Variants in GRM8 observed in about 807,000 individuals in gnomAD.
GRM8 encodes glutamate metabotropic receptor 8, also known as metabotropic glutamate receptor 8.
A neutral mutation model predicts 87.2 loss-of-function variants in GRM8; 47 were observed. That is an observed-to-expected ratio of 0.54 (90% CI 0.43 to 0.69). The LOEUF is 0.69. Ranked by LOEUF, GRM8 falls within the 30% of genes least tolerant of loss-of-function variation. The pLI, the probability that GRM8 is intolerant of heterozygous loss-of-function variation, is 0.00. For missense variants in GRM8, 1,019 were observed against 1,139.2 expected, an observed-to-expected ratio of 0.89 and a Z score of 1.52; for synonymous variants, 396 against 404.5, an observed-to-expected ratio of 0.98 and a Z score of 0.25.
intron 2 of GRM8, among the ~76,000 whole-genome samples, chr7:127,195,104 C>A (rs562994586): frequency 3.5e-4 from 54 of 152,284 alleles, no homozygotes; most frequent in African/African-American, 1.2e-3. Flanking sequence ...ATGGGTGCTT[C>A]AACTTTCATT....
chr7:127,004,591 T>G (rs983209784), intron 3 of GRM8, among the ~76,000 whole-genome samples: 11 of 151,594 alleles, frequency 7.3e-5, no homozygotes, highest in Admixed American at 5.9e-4. Flanking sequence ...CTGGAAAAAT[T>G]TATAAATGAT....
At chr7:127,173,263 A>C (rs958490015) in intron 2 of GRM8, among the ~76,000 whole-genome samples, 3 of 152,206 alleles carry the variant, frequency 2.0e-5, no homozygotes, top group Admixed American at 6.5e-5. Flanking sequence ...AGGACATTGG[A>C]GTTTTAATAG....
In GRM8 at chr7:126,987,547, G is replaced by A. The variant is rs576314637; in HGVS notation, c.728-82864C>T. On this transcript the variant is annotated intron_variant, in intron 3 of 10. Transcript: ENST00000339582. Reference sequence around the variant, plus strand: ...GCAATCTCGGCTTACTGCAAGCTCCGCCTCCCAGGTTCACGCCATTCTCCT... The same window carrying A: ...GCAATCTCGGCTTACTGCAAGCTCCACCTCCCAGGTTCACGCCATTCTCCT... Among the ~76,000 whole-genome samples the A allele has an allele frequency of 1.8e-4, 28 of 151,882 alleles. No homozygotes were observed. In the East Asian group the frequency reaches 5.2e-3, roughly 28 times the overall value.
chr7:126,465,130 T>C (rs1804340019), intron 9 of GRM8: 1 of 151,780 alleles, frequency 6.6e-6, no homozygotes, highest in Non-Finnish European at 1.5e-5. Flanking sequence ...TGAACATATA[T>C]GACGGGGTCT....
At chr7:126,652,087 G>C (rs1304967436) in intron 7 of GRM8, among the ~76,000 whole-genome samples, 1 of 152,102 alleles carries the variant, frequency 6.6e-6, no homozygotes, top group Non-Finnish European at 1.5e-5. Context: ...TCCTTCTTTT[G>C]GTAAAACCAT....
intron 7 of GRM8, among the ~76,000 whole-genome samples, chr7:126,620,856 T>C (rs1285157310): frequency 1.3e-5 from 2 of 152,336 alleles, no homozygotes; most frequent in South Asian, 2.1e-4. Flanking sequence ...TTCACCTTTA[T>C]GTGCAAAAAT....
intron 7 of GRM8, among the ~76,000 whole-genome samples, chr7:126,759,247 T>C (rs1210302593): frequency 6.6e-6 from 1 of 152,078 alleles, no homozygotes; most frequent in African/African-American, 2.4e-5. Context: ...AATGTAATTA[T>C]AAAAGTTAAC....
At chr7:127,142,058 C>A (rs1343428680) in intron 2 of GRM8, among the ~76,000 whole-genome samples, 1 of 152,028 alleles carries the variant, frequency 6.6e-6, no homozygotes, top group Non-Finnish European at 1.5e-5. Flanking sequence ...TCATAGCTCA[C>A]TACAACCTGG....
At chr7:127,010,442 G>A (rs1166300609) in intron 3 of GRM8, among the ~76,000 whole-genome samples, 1 of 152,076 alleles carries the variant, frequency 6.6e-6, no homozygotes, top group East Asian at 1.9e-4. Context: ...AAAAAATCAT[G>A]AAAGTAGTAA....
intron 8 of GRM8, among the ~76,000 whole-genome samples, chr7:126,569,933 G>A (rs1242701022): frequency 6.6e-6 from 1 of 152,032 alleles, no homozygotes; most frequent in African/African-American, 2.4e-5. Context: ...AGTTATCAAC[G>A]AGGGCTTGAA....
At position 126,991,597 on chromosome 7, in the gene GRM8, T is replaced by C. The variant is rs933013174; in HGVS notation, c.728-86914A>G. 1.3e-4 allele frequency among the ~76,000 whole-genome samples: 20 copies of C among 152,110 alleles called. 1 individual carries two copies. Among genetic ancestry groups the C allele is most frequent in the African/African-American group, 4.6e-4 (19 of 41,432 alleles). ...GTCGACTTACAACAAAAGACATAAA[T>C]AGATTAAGATTGTTAAAATAAACCA... On this transcript the variant is annotated intron_variant, in intron 3 of 10. Coordinates refer to ENST00000339582, the MANE Select transcript of GRM8 (RefSeq NM_000845.3).
At chr7:126,824,629 T>C (rs1794597467) in intron 6 of GRM8, among the ~76,000 whole-genome samples, 1 of 152,170 alleles carries the variant, frequency 6.6e-6, no homozygotes, top group Non-Finnish European at 1.5e-5. Flanking sequence ...TATCTTTCTA[T>C]TTGTCAGGTC....
chr7:126,646,731 T>C (rs755587905), intron 7 of GRM8, among the ~76,000 whole-genome samples: 5 of 152,216 alleles, frequency 3.3e-5, no homozygotes, highest in Non-Finnish European at 4.4e-5. Flanking sequence ...TTTTCCTCCA[T>C]TGGCTTTTTG....
chr7:126,450,712 A>G (rs2150481871), intron 9 of GRM8, among the ~76,000 whole-genome samples: 1 of 151,954 alleles, frequency 6.6e-6, no homozygotes, highest in South Asian at 2.1e-4. Flanking sequence ...TATCATGCAA[A>G]AGTCCAAACT....
chr7:126,880,466 G>A (rs1014903135), intron 6 of GRM8, among the ~76,000 whole-genome samples: 6 of 152,078 alleles, frequency 3.9e-5, no homozygotes, highest in African/African-American at 9.7e-5. Flanking sequence ...AGCCTCTTAG[G>A]ACTTAAAGTG....
intron 3 of GRM8, among the ~76,000 whole-genome samples, chr7:127,097,213 A>T (rs142876865): frequency 2.6e-5 from 4 of 152,230 alleles, no homozygotes; most frequent in African/African-American, 9.6e-5. Flanking sequence ...GCTAAGGATG[A>T]GGCAAGATAC....
intron 8 of GRM8, among the ~76,000 whole-genome samples, chr7:126,599,781 C>G (rs1797557213): frequency 1.3e-5 from 2 of 152,116 alleles, no homozygotes; most frequent in Non-Finnish European, 2.9e-5. Flanking sequence ...AGGAACACAG[C>G]TGGATGTATT....
At chr7:126,637,884 C>T (rs1802016503) in intron 7 of GRM8, among the ~76,000 whole-genome samples, 1 of 151,854 alleles carries the variant, frequency 6.6e-6, no homozygotes, top group Non-Finnish European at 1.5e-5. Flanking sequence ...ACAATTATTC[C>T]CCTGAAGGTA....
intron 2 of GRM8, among the ~76,000 whole-genome samples, chr7:127,148,620 A>G (rs189187686): frequency 2.0e-5 from 3 of 152,146 alleles, no homozygotes; most frequent in East Asian, 1.9e-4. Context: ...GTACTCATAT[A>G]CAGTATTGTT....
Sources: allele counts gnomAD v4.1 joint callset (sites outside exome capture counted in the v4.1 genomes callset), GRCh38; gene constraint gnomAD v4.1.1; transcripts MANE v1.5; gene names NCBI Gene and HGNC (gene_info 2026-07-23, HGNC 2026-07-21).